The following FAM227B variants were observed in gnomAD, a reference collection of about 807,000 sequenced individuals.
FAM227B encodes protein FAM227B.
In FAM227B, 88 loss-of-function variants were observed where a neutral mutation model predicts 73.8. That is an observed-to-expected ratio of 1.19 (90% CI 1.00 to 1.42). The LOEUF (loss-of-function observed/expected upper bound fraction) is 1.42. Among genes scored for constraint, FAM227B ranks in the 40% most tolerant of loss-of-function variants. The probability of loss-of-function intolerance (pLI) is 0.00; values close to 1 mark genes in which losing one functional copy is unlikely to be tolerated. For missense variants in FAM227B, 632 were observed against 590.9 expected, an observed-to-expected ratio of 1.07 and a Z score of -0.72; for synonymous variants, 210 against 190.5, an observed-to-expected ratio of 1.10 and a Z score of -0.84.
rs59203003 is a variant in FAM227B at position 49,536,072 on chromosome 15, CAAAAAAA to C, written c.874+5601_874+5607del. Among the ~76,000 whole-genome samples, 455 of 114,002 alleles carry C rather than the reference CAAAAAAA, an allele frequency of 4.0e-3. 1 individual carries two copies. The highest frequency in any genetic ancestry group is 0.022 in the South Asian group (80 of 3,596). The allele number at this position is 114,002 out of a possible 152,430, so 74.8% of individuals were successfully genotyped here. A position where few individuals can be genotyped will look rare whatever the true frequency, so the allele number is the denominator to read the frequency against. On this transcript the variant is annotated intron_variant, in intron 10 of 15. Coordinates refer to ENST00000299338, the MANE Select transcript of FAM227B (RefSeq NM_152647.3). ...GGAAGTACTAGCAAGGGCAATCAGA[CAAAAAAA>C]AAAAAAAAAAAGAAAAAAGAAAGAA...
chr15:49,463,236 G>C (rs2053960534), intron 11 of FAM227B, among the ~76,000 whole-genome samples: 1 of 152,062 alleles, frequency 6.6e-6, no homozygotes, highest in African/African-American at 2.4e-5. Context: ...ACTTTTCAGT[G>C]GCTTACCATC....
chr15:49,505,430 T>C (rs1424010195), intron 11 of FAM227B, among the ~76,000 whole-genome samples: 1 of 152,100 alleles, frequency 6.6e-6, no homozygotes, highest in Non-Finnish European at 1.5e-5. Context: ...TGAAAAAACA[T>C]GTAATTATTT....
chr15:49,591,373 CTCCCTCCCT>C (rs1192424780), intron 3 of FAM227B, among the ~76,000 whole-genome samples: 1 of 125,498 alleles, frequency 8.0e-6, no homozygotes, highest in African/African-American at 2.9e-5. Flanking sequence ...CCCTCCCTCC[CTCCCTCCCT>C]TCCCTCCCTC....
At chr15:49,571,524 A>G (rs374510398) in intron 8 of FAM227B, among the ~76,000 whole-genome samples, 1 of 151,846 alleles carries the variant, frequency 6.6e-6, no homozygotes. Flanking sequence ...TGACTTTTGT[A>G]TATTATGTGA....
intron 11 of FAM227B, among the ~76,000 whole-genome samples, chr15:49,489,936 AG>A: frequency 7.1e-6 from 1 of 141,230 alleles, no homozygotes; most frequent in Middle Eastern, 3.3e-3. Context: ...ACAGAGAGAG[AG>A]AGAGAGAGAC....
At chr15:49,351,349 G>A (rs1266133021) in intron 13 of FAM227B, among the ~76,000 whole-genome samples, 6 of 152,126 alleles carry the variant, frequency 3.9e-5, no homozygotes, top group African/African-American at 1.2e-4. Flanking sequence ...TGGAAGATAC[G>A]GAAAGAAGAT....
chr15:49,598,848 G>A (rs914652757), intron 3 of FAM227B, among the ~76,000 whole-genome samples: 6 of 151,900 alleles, frequency 3.9e-5, no homozygotes, highest in Admixed American at 6.6e-5. Context: ...AATTGGGTTC[G>A]CTTGTTTTTG....
At chr15:49,468,044 C>A (rs909582771) in intron 11 of FAM227B, among the ~76,000 whole-genome samples, 7 of 152,112 alleles carry the variant, frequency 4.6e-5, no homozygotes, top group Admixed American at 3.9e-4. Context: ...AACTTAAATT[C>A]TTTCAAAAGA....
At chr15:49,514,918 G>C (rs1300427131) in intron 10 of FAM227B, among the ~76,000 whole-genome samples, 8 of 152,020 alleles carry the variant, frequency 5.3e-5, no homozygotes, top group Non-Finnish European at 1.2e-4. Flanking sequence ...ATCCATTTCA[G>C]TTAATTTTTG....
intron 11 of FAM227B, chr15:49,488,048 A>G (rs1047097041): frequency 6.6e-6 from 1 of 152,004 alleles, no homozygotes; most frequent in African/African-American, 2.4e-5. Flanking sequence ...AATATTTAAC[A>G]GTCAGTATGG....
chr15:49,554,658 T>G (rs2073441084), intron 9 of FAM227B, among the ~76,000 whole-genome samples: 1 of 152,202 alleles, frequency 6.6e-6, no homozygotes, highest in Non-Finnish European at 1.5e-5. Context: ...CTGCCACTGC[T>G]GGGGGTTGGG....
At chr15:49,604,379 C>T (rs1205924051) in intron 3 of FAM227B, among the ~76,000 whole-genome samples, 2 of 152,164 alleles carry the variant, frequency 1.3e-5, no homozygotes, top group East Asian at 1.9e-4. Context: ...GTTATCATCC[C>T]ACTCTCTCCT....
chr15:49,409,499 C>A (rs2048736028), intron 11 of FAM227B, among the ~76,000 whole-genome samples: 1 of 150,106 alleles, frequency 6.7e-6, no homozygotes, highest in Non-Finnish European at 1.5e-5. Context: ...CCTTCTCTCT[C>A]TCTTTCTATA....
chr15:49,526,278 G>A (rs929250148), intron 10 of FAM227B, among the ~76,000 whole-genome samples: 1 of 151,960 alleles, frequency 6.6e-6, no homozygotes, highest in Non-Finnish European at 1.5e-5. Context: ...ACAGGGAAAC[G>A]AAACAACTTG....
intron 9 of FAM227B, among the ~76,000 whole-genome samples, chr15:49,565,153 G>C (rs1048371634): frequency 1.3e-5 from 2 of 152,060 alleles, no homozygotes; most frequent in Admixed American, 6.6e-5. Context: ...GGAGGCTGAG[G>C]TGGGCGGATC....
chr15:49,360,818 TAAATA>T (rs2044093676), intron 13 of FAM227B, among the ~76,000 whole-genome samples: 1 of 152,164 alleles, frequency 6.6e-6, no homozygotes, highest in Admixed American at 6.5e-5. Context: ...ATCATCCTTA[TAAATA>T]AATATACATT....
intron 11 of FAM227B, among the ~76,000 whole-genome samples, chr15:49,489,939 G>C (rs1313279848): frequency 2.1e-5 from 3 of 140,680 alleles, no homozygotes; most frequent in East Asian, 4.1e-4. Context: ...GAGAGAGAGA[G>C]AGAGAGACAC....
chr15:49,369,268 T>A (rs1027226177), intron 12 of FAM227B, among the ~76,000 whole-genome samples: 29 of 152,134 alleles, frequency 1.9e-4, no homozygotes, highest in African/African-American at 7.0e-4. Flanking sequence ...GGTGTTTTGG[T>A]TTTTAAAGCA....
chr15:49,328,589 G>A lies in FAM227B; in HGVS notation c.1506C>T (p.Asn502=). 6.3e-7 allele frequency: 1 copy of A among 1,598,086 alleles called. No individual in the cohort carries two copies. Among genetic ancestry groups the A allele is most frequent in the Non-Finnish European group, 8.5e-7 (1 of 1,169,604 alleles). Residue 502 remains asparagine (N), a synonymous_variant, in exon 16 of 16, where the codon AAC becomes AAT. Coordinates refer to ENST00000299338, the MANE Select transcript of FAM227B (RefSeq NM_152647.3). ...TCTCTTAGTATTCTTCTTCCTCAAA[G>A]TTGTAGTTGTCTGTTGATGATGGTG... ...SSSPSSTDNY[N]FEEEEY is the part of the protein sequence containing the mutation.
Sources: allele counts gnomAD v4.1 joint callset (sites outside exome capture counted in the v4.1 genomes callset), GRCh38; gene constraint gnomAD v4.1.1; transcripts MANE v1.5; gene names NCBI Gene and HGNC (gene_info 2026-07-23, HGNC 2026-07-21).